Variants in KCNN2 observed in about 807,000 individuals in gnomAD.
The protein encoded by KCNN2 is small conductance calcium-activated potassium channel protein 2.
KCNN2 carries 24 observed loss-of-function variants against 55.5 expected under a neutral mutation model. The ratio of observed to expected loss-of-function variants is 0.43; its 90% CI spans 0.31 to 0.61. KCNN2 has a LOEUF of 0.61. Among genes scored for constraint, KCNN2 ranks in the 20% least tolerant of loss-of-function variants. The probability of loss-of-function intolerance (pLI) is 0.08; values close to 1 mark genes in which losing one functional copy is unlikely to be tolerated. For synonymous variants in KCNN2, 431 were observed against 336.1 expected (o/e 1.28, Z -3.09); for missense variants, 754 against 853.6 (o/e 0.88, Z 1.45).
At chr5:114,117,610 T>G (rs574720062) in intron 1 of KCNN2, among the ~76,000 whole-genome samples, 3 of 152,144 alleles carry the variant, frequency 2.0e-5, no homozygotes, top group Non-Finnish European at 4.4e-5. Flanking sequence ...AGAAGAGAGA[T>G]AGCTCAAGAG....
chr5:114,272,357 C>T (rs72799626), intron 2 of KCNN2, among the ~76,000 whole-genome samples: 14,645 of 29,546 alleles, frequency 0.5, 2,900 homozygotes, highest in South Asian at 0.54. Context: ...TATGTACATA[C>T]CATATACACA....
intron 2 of KCNN2, among the ~76,000 whole-genome samples, chr5:114,387,875 C>G (rs182393323): frequency 6.6e-6 from 1 of 152,162 alleles, no homozygotes; most frequent in Non-Finnish European, 1.5e-5. Flanking sequence ...TGCTCCCACT[C>G]AGATATTATT....
intron 3 of KCNN2, among the ~76,000 whole-genome samples, chr5:114,456,920 A>G (rs1760950972): frequency 6.6e-6 from 1 of 152,218 alleles, no homozygotes; most frequent in South Asian, 2.1e-4. Context: ...GGATCAGCAA[A>G]TAAACTGTTT....
intron 2 of KCNN2, among the ~76,000 whole-genome samples, chr5:114,377,977 G>A (rs1486907104): frequency 2.6e-5 from 4 of 152,164 alleles, no homozygotes; most frequent in Non-Finnish European, 4.4e-5. Context: ...AGGAAGCAGA[G>A]CCTAGAATCT....
At chr5:114,092,712 C>G (rs1308207162) in intron 1 of KCNN2, among the ~76,000 whole-genome samples, 1 of 152,200 alleles carries the variant, frequency 6.6e-6, no homozygotes, top group Non-Finnish European at 1.5e-5. Context: ...TCCTTTGCAC[C>G]CACAGGCCCA....
intron 1 of KCNN2, among the ~76,000 whole-genome samples, chr5:114,167,970 A>T (rs1752950376): frequency 6.6e-6 from 1 of 152,090 alleles, no homozygotes; most frequent in Non-Finnish European, 1.5e-5. Flanking sequence ...TTTCAGATTC[A>T]TTCATGTGAT....
chr5:114,162,102 TC>T (rs1454477022), intron 1 of KCNN2, among the ~76,000 whole-genome samples: 2 of 152,332 alleles, frequency 1.3e-5, no homozygotes, highest in South Asian at 4.1e-4. Context: ...TTCCGGTTTT[TC>T]TGCTCTGTTG....
intron 1 of KCNN2, among the ~76,000 whole-genome samples, chr5:114,164,719 A>T (rs1752872035): frequency 6.6e-6 from 1 of 152,176 alleles, no homozygotes; most frequent in Non-Finnish European, 1.5e-5. Flanking sequence ...TACATATTTA[A>T]ATTTAGTAAT....
At chr5:114,056,517 G>A in intron 1 of KCNN2, 1 of 398,124 alleles carries the variant, frequency 2.5e-6, no homozygotes, top group Non-Finnish European at 4.4e-6. Context: ...TCGCGACTAA[G>A]GTGACATTGA....
chr5:114,193,051 T>C (rs1164792411), intron 1 of KCNN2, among the ~76,000 whole-genome samples: 1 of 152,184 alleles, frequency 6.6e-6, no homozygotes, highest in Admixed American at 6.5e-5. Flanking sequence ...AATACGTCCC[T>C]GAAATATTTG....
intron 3 of KCNN2, among the ~76,000 whole-genome samples, chr5:114,434,367 A>G (rs116591090): frequency 0.012 from 1,785 of 151,974 alleles, 11 homozygotes; most frequent in Non-Finnish European, 0.017. Context: ...TACCTTACCC[A>G]TTTATTCTTG....
chr5:114,472,531 C>A (rs1761792853), intron 4 of KCNN2, among the ~76,000 whole-genome samples: 1 of 125,650 alleles, frequency 8.0e-6, no homozygotes, highest in South Asian at 3.2e-4. Flanking sequence ...GTTACGCTTC[C>A]TCTTGTGTGT....
chr5:114,484,548 C>T (rs1188498448), intron 5 of KCNN2, among the ~76,000 whole-genome samples: 1 of 152,132 alleles, frequency 6.6e-6, no homozygotes, highest in African/African-American at 2.4e-5. Context: ...TGCCAACTCC[C>T]CATTGTTCAA....
At position 114,057,330 on chromosome 5, in the gene KCNN2, A is replaced by C. The variant is rs147733045; in HGVS notation, c.-271+830A>C. Among the ~76,000 whole-genome samples the C allele has an allele frequency of 2.6e-5, 4 of 152,378 alleles. No individual in the cohort carries two copies. The East Asian group carries it at 7.7e-4, about 29-fold the overall frequency. On this transcript the variant is annotated intron_variant, in intron 1 of 10. Coordinates refer to the KCNN2 transcript ENST00000512097. ...CTCATTTAAACCTCATAACTACCCC[A>C]CAGAGTAAGGAGTACTATTATGTCT...
intron 1 of KCNN2, among the ~76,000 whole-genome samples, chr5:114,177,127 T>C (rs1479087538): frequency 6.9e-6 from 1 of 145,658 alleles, no homozygotes; most frequent in Non-Finnish European, 1.5e-5. Flanking sequence ...AACAGCAACA[T>C]TGCTAATATG....
chr5:114,317,882 C>T (rs1284086896), intron 2 of KCNN2, among the ~76,000 whole-genome samples: 1 of 152,236 alleles, frequency 6.6e-6, no homozygotes, highest in African/African-American at 2.4e-5. Context: ...GCCTGCCCAT[C>T]TTCACGGCAG....
chr5:114,338,305 G>A (rs1407924711), intron 2 of KCNN2, among the ~76,000 whole-genome samples: 1 of 152,178 alleles, frequency 6.6e-6, no homozygotes, highest in Non-Finnish European at 1.5e-5. Context: ...GATCTAAGCT[G>A]CCACTGATTT....
At chr5:114,441,991 T>A (rs898882789) in intron 3 of KCNN2, among the ~76,000 whole-genome samples, 1 of 152,208 alleles carries the variant, frequency 6.6e-6, no homozygotes, top group African/African-American at 2.4e-5. Flanking sequence ...AGGGATAGCT[T>A]TCTGCCTTTC....
At chr5:114,189,903 T>A (rs1370630684) in intron 1 of KCNN2, among the ~76,000 whole-genome samples, 1 of 152,068 alleles carries the variant, frequency 6.6e-6, no homozygotes, top group African/African-American at 2.4e-5. Flanking sequence ...GTGTTTTACC[T>A]CATAGCACAC....
Sources: gnomAD v4.1 joint callset for allele counts (sites outside exome capture counted in the v4.1 genomes callset) on GRCh38, gnomAD v4.1.1 for gene constraint, MANE v1.5 for transcripts, NCBI Gene and HGNC (gene_info 2026-07-23, HGNC 2026-07-21) for gene names.